C17orf67: variants seen among roughly 807,000 people sequenced by gnomAD.
The protein encoded by C17orf67 is uncharacterized protein C17orf67.
A neutral mutation model predicts 11.2 loss-of-function variants in C17orf67; 12 were observed. The ratio of observed to expected loss-of-function variants is 1.07; its 90% CI spans 0.68 to 1.73. The LOEUF is 1.73. Among genes scored for constraint, C17orf67 ranks in the 40% most tolerant of loss-of-function variants. C17orf67 has a pLI of 0.00. For synonymous variants in C17orf67, 59 were observed against 46.9 expected, an observed-to-expected ratio of 1.26 and a Z score of -1.05; for missense variants, 115 against 113.5, an observed-to-expected ratio of 1.01 and a Z score of -0.06.
Position 56,814,938 on chromosome 17 carries a change from G to C in C17orf67, c.87C>G (p.Ala29=), listed in dbSNP as rs1440487874. 5 of 1,614,110 alleles carry C rather than the reference G, an allele frequency of 3.1e-6. No homozygotes were observed. The highest frequency in any genetic ancestry group is 4.2e-6 in the Non-Finnish European group (5 of 1,179,994). The change falls in exon 6 of 8, where the codon GCC becomes GCG. Residue 29 remains alanine, a synonymous_variant. Transcript: ENST00000397861. Reference sequence around the variant, plus strand: ...GTCGCCGAGATCTTAGGAGCTGTTTGGCCTGCTTCTCTGTCAAAATCGGGG... The same window carrying C: ...GTCGCCGAGATCTTAGGAGCTGTTTCGCCTGCTTCTCTGTCAAAATCGGGG... The part of the protein sequence containing the change: ...ETSPILTEKQ[A]KQLLRSRRQD...
intron 4 of C17orf67, among the ~76,000 whole-genome samples, chr17:56,823,360 A>G (rs1905951055): frequency 6.6e-6 from 1 of 152,158 alleles, no homozygotes; most frequent in African/African-American, 2.4e-5. Flanking sequence ...TTCAACAGAC[A>G]TCTAGAACGC....
chr17:56,813,166 G>A (rs933050977), intron 6 of C17orf67, among the ~76,000 whole-genome samples: 1 of 152,018 alleles, frequency 6.6e-6, no homozygotes, highest in Non-Finnish European at 1.5e-5. Flanking sequence ...CAGAATGGCC[G>A]CTCCAGGCAT....
chr17:56,830,621 A>G (rs1567802569), intron 2 of C17orf67, among the ~76,000 whole-genome samples: 7 of 150,042 alleles, frequency 4.7e-5, no homozygotes, highest in Non-Finnish European at 7.4e-5. Flanking sequence ...CGCCTGGCTA[A>G]TTTTTTTTTT....
At chr17:56,823,183 G>C (rs913480540) in intron 4 of C17orf67, among the ~76,000 whole-genome samples, 2 of 152,200 alleles carry the variant, frequency 1.3e-5, no homozygotes, top group African/African-American at 4.8e-5. Flanking sequence ...TTCAGGAAAA[G>C]TGCTAGGCCT....
chr17:56,822,047 G>A (rs2094181070), intron 4 of C17orf67, among the ~76,000 whole-genome samples: 2 of 152,178 alleles, frequency 1.3e-5, no homozygotes, highest in African/African-American at 2.4e-5. Flanking sequence ...TAGCTTAAAA[G>A]AGACCCACTC....
At chr17:56,824,586 A>G (rs1905981242) in intron 4 of C17orf67, among the ~76,000 whole-genome samples, 153 bp downstream of exon 4, 1 of 152,188 alleles carries the variant, frequency 6.6e-6, no homozygotes, top group Admixed American at 6.5e-5. Flanking sequence ...CTCTTCAGCC[A>G]TATTTTTGCC....
intron 6 of C17orf67, among the ~76,000 whole-genome samples, chr17:56,810,370 C>T (rs1905591222): frequency 6.8e-6 from 1 of 146,402 alleles, no homozygotes; most frequent in Non-Finnish European, 1.5e-5. Flanking sequence ...CCTCACACAT[C>T]CCTCACACAC....
chr17:56,795,443 A>AGATGTTGT (rs1905194742), intron 6 of C17orf67, among the ~76,000 whole-genome samples: 1 of 152,222 alleles, frequency 6.6e-6, no homozygotes, highest in African/African-American at 2.4e-5. Flanking sequence ...TTCAGAAAAC[A>AGATGTTGT]TCTGATTGCC....
At chr17:56,795,455 G>A (rs936852734) in intron 6 of C17orf67, among the ~76,000 whole-genome samples, 5 of 152,194 alleles carry the variant, frequency 3.3e-5, no homozygotes, top group African/African-American at 1.2e-4. Flanking sequence ...CTGATTGCCT[G>A]CAATCTAGAA....
intron 4 of C17orf67, among the ~76,000 whole-genome samples, chr17:56,819,209 C>T (rs1387872648): frequency 6.6e-6 from 1 of 152,204 alleles, no homozygotes; most frequent in East Asian, 1.9e-4. Flanking sequence ...TCACTTTCAG[C>T]TTAACAAGCC....
At chr17:56,825,939 C>CTGTGTGTG (rs565221662) in intron 2 of C17orf67, among the ~76,000 whole-genome samples, 5 of 92,282 alleles carry the variant, frequency 5.4e-5, no homozygotes, top group African/African-American at 1.8e-4. Flanking sequence ...TGGGGGAAAC[C>CTGTGTGTG]TGTGAGTGTG....
Position 56,807,845 on chromosome 17 carries a change from G to A in C17orf67, c.156+7024C>T, listed in dbSNP as rs115940883. ...GCCCAGACTCCAGTGAGCCATGATC[G>A]CACCACTGCACTCCAGCCTGGGCAA... On this transcript the variant is annotated intron_variant, in intron 6 of 7. Coordinates refer to ENST00000397861, the MANE Select transcript of C17orf67 (RefSeq NM_001085430.4). 3.4e-3 allele frequency among the ~76,000 whole-genome samples: 508 copies of A among 151,528 alleles called. 6 individuals carry two copies. The highest frequency in any genetic ancestry group is 0.012 in the African/African-American group (487 of 41,258).
At chr17:56,821,154 C>A (rs1209842275) in intron 4 of C17orf67, among the ~76,000 whole-genome samples, 1 of 152,064 alleles carries the variant, frequency 6.6e-6, no homozygotes, top group Non-Finnish European at 1.5e-5. Context: ...AACTCCTGGG[C>A]TCAAGTAATC....
At chr17:56,828,627 C>T (rs1382045538) in intron 2 of C17orf67, among the ~76,000 whole-genome samples, 3 of 152,222 alleles carry the variant, frequency 2.0e-5, no homozygotes, top group East Asian at 1.9e-4. Context: ...CCTGTGTACC[C>T]ACTACCCAGG....
intron 6 of C17orf67, among the ~76,000 whole-genome samples, chr17:56,813,554 T>A (rs1905681839): frequency 6.7e-6 from 1 of 148,842 alleles, no homozygotes. Flanking sequence ...CCAAGATACC[T>A]CTTATTCTAC....
chr17:56,810,033 G>A (rs1905571076), intron 6 of C17orf67, among the ~76,000 whole-genome samples: 1 of 95,900 alleles, frequency 1.0e-5, no homozygotes, highest in Non-Finnish European at 2.1e-5. Flanking sequence ...CCTCACACAT[G>A]CATCCCTCAC....
At chr17:56,816,493 C>G (rs1905764794) in intron 4 of C17orf67, among the ~76,000 whole-genome samples, 1 of 152,208 alleles carries the variant, frequency 6.6e-6, no homozygotes, top group Non-Finnish European at 1.5e-5. Flanking sequence ...ACCTTCATGG[C>G]AGCTAGTACT....
chr17:56,798,508 T>C (rs1267620565), intron 6 of C17orf67, among the ~76,000 whole-genome samples: 2 of 152,028 alleles, frequency 1.3e-5, no homozygotes, highest in African/African-American at 4.8e-5. Flanking sequence ...CCATAGTTGA[T>C]ATTAGGGCTC....
At chr17:56,828,583 A>AT (rs1363312378) in intron 2 of C17orf67, among the ~76,000 whole-genome samples, 1 of 152,220 alleles carries the variant, frequency 6.6e-6, no homozygotes, top group East Asian at 1.9e-4. Context: ...TAAACCATAT[A>AT]TACATAGTTT....
Sources: gnomAD v4.1 joint callset for allele counts (sites outside exome capture counted in the v4.1 genomes callset) on GRCh38, gnomAD v4.1.1 for gene constraint, MANE v1.5 for transcripts, NCBI Gene and HGNC (gene_info 2026-07-23, HGNC 2026-07-21) for gene names.